The following NPAS3 variants were observed in gnomAD, a reference collection of about 807,000 sequenced individuals.
NPAS3 encodes the protein neuronal PAS domain-containing protein 3.
A neutral mutation model predicts 73.1 loss-of-function variants in NPAS3; 14 were observed. That is an observed-to-expected ratio of 0.19 (90% CI 0.13 to 0.30). The LOEUF (loss-of-function observed/expected upper bound fraction) is 0.30, where lower values mean the gene tolerates loss of function less well. NPAS3 is among the 10% of genes least tolerant of loss of function. The pLI, the probability that NPAS3 is intolerant of heterozygous loss-of-function variation, is 1.00. For synonymous variants in NPAS3, 620 were observed against 541.5 expected (o/e 1.14, Z -2.01); for missense variants, 1,096 against 1,250.0 (o/e 0.88, Z 1.86).
intron 2 of NPAS3, among the ~76,000 whole-genome samples, chr14:33,140,588 T>G (rs1254376164): frequency 6.6e-6 from 1 of 152,200 alleles, no homozygotes; most frequent in Non-Finnish European, 1.5e-5. Flanking sequence ...TCATGCATGC[T>G]TCACCGTGTC....
chr14:33,510,549 G>T (rs2052998610), intron 4 of NPAS3, among the ~76,000 whole-genome samples: 1 of 152,040 alleles, frequency 6.6e-6, no homozygotes, highest in Non-Finnish European at 1.5e-5. Context: ...GCATTATGTT[G>T]TAAGGAATTC....
chr14:33,560,297 T>A, intron 5 of NPAS3, 87 bp downstream of exon 5: 4 of 663,482 alleles, frequency 6.0e-6, no homozygotes, highest in Admixed American at 2.2e-5. Context: ...ATATTCTGTT[T>A]AGCATGAATT....
chr14:32,963,333 A>T (rs182305011), intron 1 of NPAS3, among the ~76,000 whole-genome samples: 28 of 152,348 alleles, frequency 1.8e-4, no homozygotes, highest in Non-Finnish European at 3.4e-4. Flanking sequence ...AGATAAGGAC[A>T]TTAAATTGAA....
intron 8 of NPAS3, among the ~76,000 whole-genome samples, 178 bp downstream of exon 8, chr14:33,774,708 C>T (rs1416783050): frequency 6.6e-6 from 1 of 152,134 alleles, no homozygotes; most frequent in African/African-American, 2.4e-5. Context: ...TACATTGCTG[C>T]CCTGATTTAC....
intron 4 of NPAS3, among the ~76,000 whole-genome samples, chr14:33,460,119 A>G (rs1460319168): frequency 6.6e-6 from 1 of 152,246 alleles, no homozygotes; most frequent in Non-Finnish European, 1.5e-5. Flanking sequence ...GAGTACTCGT[A>G]CACATACAGC....
chr14:33,346,712 G>A (rs750220100), intron 3 of NPAS3, among the ~76,000 whole-genome samples: 5 of 152,044 alleles, frequency 3.3e-5, no homozygotes, highest in South Asian at 4.1e-4. Context: ...AGGTGAGTCC[G>A]CAAAGCCTGT....
chr14:33,418,402 A>G (rs1190385860), intron 4 of NPAS3, among the ~76,000 whole-genome samples: 1 of 152,014 alleles, frequency 6.6e-6, no homozygotes, highest in Non-Finnish European at 1.5e-5. Flanking sequence ...TGCTGCTGGT[A>G]GCAGGCAGTG....
At chr14:33,217,044 G>A (rs1317925969) in intron 3 of NPAS3, among the ~76,000 whole-genome samples, 2 of 152,162 alleles carry the variant, frequency 1.3e-5, no homozygotes. Context: ...CATGGCTGGG[G>A]AGGCCTCAGG....
At chr14:33,287,366 A>G (rs956314468) in intron 3 of NPAS3, among the ~76,000 whole-genome samples, 2 of 152,146 alleles carry the variant, frequency 1.3e-5, no homozygotes, top group Non-Finnish European at 2.9e-5. Flanking sequence ...CTTTTCTGTG[A>G]TTACAAATCC....
At chr14:33,536,014 G>C (rs1002306095) in intron 4 of NPAS3, among the ~76,000 whole-genome samples, 1 of 152,142 alleles carries the variant, frequency 6.6e-6, no homozygotes, top group African/African-American at 2.4e-5. Flanking sequence ...GCTGGAGAGA[G>C]GCCTCTGGCT....
At chr14:33,075,645 C>G (rs981569747) in intron 2 of NPAS3, among the ~76,000 whole-genome samples, 4 of 152,110 alleles carry the variant, frequency 2.6e-5, no homozygotes, top group African/African-American at 9.7e-5. Context: ...AAAACTGCCT[C>G]CTGTATGCTT....
intron 2 of NPAS3, among the ~76,000 whole-genome samples, chr14:33,122,964 C>T (rs1163367336): frequency 6.6e-6 from 1 of 152,022 alleles, no homozygotes; most frequent in Admixed American, 6.6e-5. Flanking sequence ...CAAAACAACA[C>T]TTTTAGTCAT....
intron 3 of NPAS3, among the ~76,000 whole-genome samples, chr14:33,346,289 G>A (rs1052910202): frequency 2.6e-5 from 4 of 151,706 alleles, no homozygotes; most frequent in African/African-American, 9.7e-5. Flanking sequence ...AGCACTTTGG[G>A]AGGCCAAGGT....
At chr14:33,268,394 T>C (rs1313696884) in intron 3 of NPAS3, among the ~76,000 whole-genome samples, 4 of 152,328 alleles carry the variant, frequency 2.6e-5, no homozygotes, top group Non-Finnish European at 1.5e-5. Context: ...TAAGACATAA[T>C]TATGTAAAAT....
At chr14:33,103,994 AG>A (rs2042650686) in intron 2 of NPAS3, among the ~76,000 whole-genome samples, 1 of 152,166 alleles carries the variant, frequency 6.6e-6, no homozygotes, top group Non-Finnish European at 1.5e-5. Context: ...GTTGACAAAA[AG>A]AGCTCACGTT....
intron 3 of NPAS3, among the ~76,000 whole-genome samples, chr14:33,257,919 AC>A (rs2048837031): frequency 4.6e-5 from 7 of 152,294 alleles, no homozygotes; most frequent in Middle Eastern, 6.8e-3. Flanking sequence ...GCTTGATTTC[AC>A]TTTTGGGTGG....
At chr14:33,038,126 T>C (rs1390394649) in intron 1 of NPAS3, among the ~76,000 whole-genome samples, 1 of 152,222 alleles carries the variant, frequency 6.6e-6, no homozygotes, top group African/African-American at 2.4e-5. Context: ...AAAAAGAAAA[T>C]GTGCTAATTC....
chr14:33,565,336 C>G (rs903253355), intron 5 of NPAS3, among the ~76,000 whole-genome samples: 3 of 152,182 alleles, frequency 2.0e-5, no homozygotes, highest in African/African-American at 4.8e-5. Flanking sequence ...AATGACAGAG[C>G]TCAGTCTATT....
At chr14:33,212,838 T>C (rs910635131) in intron 2 of NPAS3, among the ~76,000 whole-genome samples, 15 of 152,192 alleles carry the variant, frequency 9.9e-5, no homozygotes, top group African/African-American at 3.4e-4. Context: ...CTGAGTGACA[T>C]GAATAAAGGA....
Sources: allele counts gnomAD v4.1 joint callset (sites outside exome capture counted in the v4.1 genomes callset), GRCh38; gene constraint gnomAD v4.1.1; transcripts MANE v1.5; gene names NCBI Gene and HGNC (gene_info 2026-07-23, HGNC 2026-07-21).